The following SPIDR variants were observed in gnomAD, a reference collection of about 807,000 sequenced individuals.
SPIDR encodes the protein scaffold protein involved in DNA repair.
SPIDR carries 93 observed loss-of-function variants against 104.6 expected under a neutral mutation model. That is an observed-to-expected ratio of 0.89 (90% confidence interval 0.75 to 1.06). The LOEUF is 1.06. SPIDR is among the 50% of genes least tolerant of loss of function. The probability of loss-of-function intolerance (pLI) is 0.00; values close to 1 mark genes in which losing one functional copy is unlikely to be tolerated. For synonymous variants in SPIDR, 431 were observed against 416.9 expected (o/e 1.03, Z -0.41); for missense variants, 1,154 against 1,111.2 (o/e 1.04, Z -0.55).
intron 5 of SPIDR, among the ~76,000 whole-genome samples, chr8:47,392,975 A>G (rs944589305): frequency 1.3e-5 from 2 of 152,112 alleles, no homozygotes; most frequent in Non-Finnish European, 1.5e-5. Context: ...TGTTGTTGCT[A>G]TTTCCAAGGT....
intron 8 of SPIDR, among the ~76,000 whole-genome samples, chr8:47,582,053 C>G (rs2059759252): frequency 6.6e-6 from 1 of 152,088 alleles, no homozygotes; most frequent in South Asian, 2.1e-4. Flanking sequence ...CCTGTCTCTA[C>G]TAAAAATACA....
At chr8:47,509,575 T>G (rs2154375252) in intron 8 of SPIDR, among the ~76,000 whole-genome samples, 1 of 152,314 alleles carries the variant, frequency 6.6e-6, no homozygotes, top group African/African-American at 2.4e-5. Context: ...CTTGGATATC[T>G]TTCTCTAGTA....
intron 8 of SPIDR, among the ~76,000 whole-genome samples, chr8:47,478,811 A>T (rs2076559744): frequency 6.6e-6 from 1 of 152,208 alleles, no homozygotes; most frequent in African/African-American, 2.4e-5. Context: ...TGAATGCTTT[A>T]CCTACAATTA....
chr8:47,587,772 A>G (rs1158436482), intron 8 of SPIDR, among the ~76,000 whole-genome samples: 2 of 151,406 alleles, frequency 1.3e-5, no homozygotes, highest in African/African-American at 4.9e-5. Context: ...TAAAACAAAA[A>G]CAAACAAAAA....
chr8:47,570,024 A>C (rs2058332021), intron 8 of SPIDR, among the ~76,000 whole-genome samples: 1 of 152,232 alleles, frequency 6.6e-6, no homozygotes, highest in South Asian at 2.1e-4. Context: ...CTGTAGATTC[A>C]ACATGATTCC....
chr8:47,692,366 T>C (rs1053031482), intron 11 of SPIDR, among the ~76,000 whole-genome samples: 2 of 152,068 alleles, frequency 1.3e-5, no homozygotes, highest in Admixed American at 6.6e-5. Context: ...TCCGTCTCTG[T>C]GGATTTGCCC....
At chr8:47,330,272 T>C (rs990954580) in intron 5 of SPIDR, among the ~76,000 whole-genome samples, 5 of 152,014 alleles carry the variant, frequency 3.3e-5, no homozygotes, top group African/African-American at 9.7e-5. Context: ...CATAATTCCC[T>C]CCCCCACATA....
At chr8:47,485,941 G>A (rs1010849053) in intron 8 of SPIDR, among the ~76,000 whole-genome samples, 55 of 152,296 alleles carry the variant, frequency 3.6e-4, no homozygotes, top group African/African-American at 1.1e-3. Flanking sequence ...AAATCAGAGC[G>A]CCTGTCCCCC....
At chr8:47,385,202 G>A (rs886541510) in intron 5 of SPIDR, among the ~76,000 whole-genome samples, 6 of 152,166 alleles carry the variant, frequency 3.9e-5, no homozygotes, top group African/African-American at 1.4e-4. Context: ...GAACTGTTCT[G>A]TGTATATAAG....
chr8:47,373,639 A>G (rs1389739745), intron 5 of SPIDR, among the ~76,000 whole-genome samples: 1 of 152,038 alleles, frequency 6.6e-6, no homozygotes, highest in Non-Finnish European at 1.5e-5. Context: ...TGCTTCGGTG[A>G]TTTTCAGTAG....
intron 14 of SPIDR, among the ~76,000 whole-genome samples, chr8:47,709,225 C>T (rs778588331): frequency 3.3e-5 from 5 of 152,172 alleles, no homozygotes; most frequent in South Asian, 2.1e-4. Flanking sequence ...ACTGCAACCT[C>T]CACCTCCCAG....
At chr8:47,519,857 A>G (rs535082415) in intron 8 of SPIDR, among the ~76,000 whole-genome samples, 1 of 152,370 alleles carries the variant, frequency 6.6e-6, no homozygotes, top group South Asian at 2.1e-4. Context: ...TAATTTATAA[A>G]TACATATGCT....
At chr8:47,514,755 A>G (rs2082862671) in intron 8 of SPIDR, among the ~76,000 whole-genome samples, 1 of 152,202 alleles carries the variant, frequency 6.6e-6, no homozygotes, top group Admixed American at 6.5e-5. Flanking sequence ...CTGAAAAGGA[A>G]AAACAAATAA....
chr8:47,267,960 G>A (rs1554547959), intron 1 of SPIDR, among the ~76,000 whole-genome samples: 1 of 152,130 alleles, frequency 6.6e-6, no homozygotes, highest in Admixed American at 6.5e-5. Flanking sequence ...AAGAGTTACA[G>A]TTTTAGCTCT....
At chr8:47,641,779 G>A (rs1239959007) in intron 10 of SPIDR, among the ~76,000 whole-genome samples, 4 of 152,156 alleles carry the variant, frequency 2.6e-5, no homozygotes, top group African/African-American at 9.6e-5. Context: ...GCTGACTGCT[G>A]CATCTTACCC....
At chr8:47,468,192 G>A (rs559316232) in intron 8 of SPIDR, among the ~76,000 whole-genome samples, 2 of 152,284 alleles carry the variant, frequency 1.3e-5, no homozygotes, top group South Asian at 4.2e-4. Flanking sequence ...ACTGCTTAAA[G>A]AAATCGGAGA....
At chr8:47,362,671 G>A (rs6981790) in intron 5 of SPIDR, among the ~76,000 whole-genome samples, 79,720 of 152,068 alleles carry the variant, frequency 0.52, 24,613 homozygotes, top group East Asian at 0.72. Context: ...TTTGTTTTTC[G>A]AGACGGAGTC....
intron 5 of SPIDR, among the ~76,000 whole-genome samples, chr8:47,294,587 G>A (rs1412961615): frequency 1.4e-4 from 22 of 152,214 alleles, no homozygotes; most frequent in Non-Finnish European, 1.0e-4. Context: ...GCATATAGTC[G>A]TACTCGTGGC....
intron 10 of SPIDR, among the ~76,000 whole-genome samples, chr8:47,608,808 C>T (rs751257654): frequency 3.3e-5 from 5 of 152,364 alleles, no homozygotes; most frequent in Non-Finnish European, 5.9e-5. Flanking sequence ...ACTGCAACCT[C>T]GGCCTCCTGG....
Sources: gnomAD v4.1 joint callset for allele counts (sites outside exome capture counted in the v4.1 genomes callset) on GRCh38, gnomAD v4.1.1 for gene constraint, MANE v1.5 for transcripts, NCBI Gene and HGNC (gene_info 2026-07-23, HGNC 2026-07-21) for gene names.